GTF2IRD1: variants seen among roughly 807,000 people sequenced by gnomAD.
GTF2IRD1 encodes the protein GTF2I repeat domain containing 1.
GTF2IRD1 carries 26 observed loss-of-function variants against 113.2 expected under a neutral mutation model. The observed-to-expected ratio is 0.23, with a 90% CI of 0.17 to 0.32. The LOEUF is 0.32. GTF2IRD1 is among the 10% of genes least tolerant of loss of function. The probability of loss-of-function intolerance (pLI) is 1.00; values close to 1 mark genes in which losing one functional copy is unlikely to be tolerated. For synonymous variants in GTF2IRD1, 484 were observed against 529.1 expected (o/e 0.91, Z 1.17); for missense variants, 864 against 1,280.8 (o/e 0.67, Z 4.97).
chr7:74,549,576 A>G (rs1554354329), intron 17 of GTF2IRD1, among the ~76,000 whole-genome samples: 1 of 152,196 alleles, frequency 6.6e-6, no homozygotes, highest in East Asian at 1.9e-4. Flanking sequence ...TGATTCGTGC[A>G]GTAGAAGCAA....
At chr7:74,562,341 A>G (rs1164023547) in intron 22 of GTF2IRD1, among the ~76,000 whole-genome samples, 3 of 151,992 alleles carry the variant, frequency 2.0e-5, no homozygotes, top group African/African-American at 7.2e-5. Context: ...AGTGCCCAGG[A>G]GTCAGCCTTC....
chr7:74,568,191 A>G (rs1235921639), intron 22 of GTF2IRD1, among the ~76,000 whole-genome samples: 1 of 151,830 alleles, frequency 6.6e-6, no homozygotes, highest in Admixed American at 6.6e-5. Flanking sequence ...GGGAATGGCA[A>G]GAAAAGGAGC....
intron 1 of GTF2IRD1, among the ~76,000 whole-genome samples, chr7:74,479,780 C>CA (rs1343831379): frequency 1.1e-4 from 13 of 120,204 alleles, no homozygotes; most frequent in Admixed American, 2.1e-4. Context: ...TTTTTGGAGA[C>CA]AGAGTCCTGC....
At chr7:74,600,754 T>C (rs1298270940) in intron 25 of GTF2IRD1, among the ~76,000 whole-genome samples, 4 of 151,846 alleles carry the variant, frequency 2.6e-5, no homozygotes, top group Non-Finnish European at 1.5e-5. Context: ...AGGGGTGAGC[T>C]TGCTGGGGAG....
At chr7:74,594,006 T>G (rs1802243104) in intron 24 of GTF2IRD1, among the ~76,000 whole-genome samples, 1 of 151,902 alleles carries the variant, frequency 6.6e-6, no homozygotes, top group Non-Finnish European at 1.5e-5. Context: ...GAGACCAGCC[T>G]GGCCAACATA....
chr7:74,472,333 G>A (rs1016687981), intron 1 of GTF2IRD1, among the ~76,000 whole-genome samples: 9 of 152,214 alleles, frequency 5.9e-5, no homozygotes, highest in African/African-American at 2.2e-4. Context: ...GCCATAGAAT[G>A]TTAGAACTGG....
At position 74,508,173 on chromosome 7, in the gene GTF2IRD1, C is replaced by T; in HGVS notation, c.93C>T (p.Ile31=). Residue 31 remains isoleucine (I), a synonymous_variant, in exon 2 of 27, where the codon ATC becomes ATT. Coordinates refer to ENST00000424337, the MANE Select transcript of GTF2IRD1 (RefSeq NM_005685.4). The stretch of plus-strand genomic sequence containing the variant: ...CGTTCACCCGCAAAGACGAGATCAT[C>T]ACCAGCCTCGTGTCTGCCTTAGACT... ...NSAFTRKDEI[I]TSLVSALDSM... 3.7e-6 allele frequency: 6 copies of T among 1,613,066 alleles called. No homozygotes were observed. The highest frequency in any genetic ancestry group is 5.1e-6 in the Non-Finnish European group (6 of 1,179,998).
At position 74,555,455 on chromosome 7, in the gene GTF2IRD1, C is replaced by T; in HGVS notation, c.1984C>T (p.Pro662Ser). 2 of 1,613,510 alleles carry T rather than the reference C, an allele frequency of 1.2e-6. No individual in the cohort carries two copies. Among genetic ancestry groups the T allele is most frequent in the Non-Finnish European group, 8.5e-7 (1 of 1,179,456 alleles). ...GCCCCCAGAGAGGGATTCCGGGGACCCTCTGGTGGACGAGAGCCTGAAGAG... is the reference window on the plus strand; with the variant it reads ...GCCCCCAGAGAGGGATTCCGGGGACTCTCTGGTGGACGAGAGCCTGAAGAG... Reference protein sequence around the residue: ...MDSQERDSGDPLVDESLKRQG... With the variant: ...MDSQERDSGDSLVDESLKRQG... The change falls in exon 19 of 27, where the codon CCT becomes TCT. Residue 662 changes from proline to serine, a missense_variant. Transcript: ENST00000424337. The surrounding 1 kb of genome is among the most constrained non-coding windows in gnomAD (Gnocchi z 5.3).
chr7:74,504,292 C>A (rs1339012608), intron 1 of GTF2IRD1, among the ~76,000 whole-genome samples: 1 of 152,214 alleles, frequency 6.6e-6, no homozygotes, highest in Non-Finnish European at 1.5e-5. Flanking sequence ...ATTTCTCTTC[C>A]TTGCGAGTGT....
chr7:74,572,913 G>A (rs1308735801), intron 22 of GTF2IRD1, among the ~76,000 whole-genome samples: 1 of 152,122 alleles, frequency 6.6e-6, no homozygotes, highest in African/African-American at 2.4e-5. Context: ...CAGACGAGAC[G>A]CCCTACTGCC....
intron 5 of GTF2IRD1, 50 bp downstream of exon 5, chr7:74,518,372 G>T (rs1430443324): frequency 2.8e-6 from 4 of 1,451,892 alleles, no homozygotes; most frequent in Non-Finnish European, 3.7e-6. Context: ...GCCAGGGCCG[G>T]GTCAGGGCCG....
In GTF2IRD1 at chr7:74,590,449, C is replaced by T. The variant is rs587687031; in HGVS notation, c.2399-376C>T. On this transcript the variant is annotated intron_variant, in intron 23 of 26. Coordinates refer to ENST00000424337, the MANE Select transcript of GTF2IRD1 (RefSeq NM_005685.4). ...TGTCGCCCAGGCTGGAGTGCAGTGG[C>T]GGGATCTCCACTCACTGCAAGCTCC... Among the ~76,000 whole-genome samples, 172 of 147,434 alleles carry T rather than the reference C, an allele frequency of 1.2e-3. 2 individuals are homozygous for T. Among genetic ancestry groups the T allele is most frequent in the Admixed American group, 0.012 (169 of 14,618 alleles).
intron 25 of GTF2IRD1, among the ~76,000 whole-genome samples, chr7:74,598,959 T>C (rs1312189142): frequency 1.3e-5 from 2 of 152,124 alleles, no homozygotes; most frequent in Non-Finnish European, 2.9e-5. Context: ...GAAGAGACAT[T>C]TGCCCCATGG....
chr7:74,519,595 C>A lies in GTF2IRD1; in HGVS notation c.792C>A (p.Asn264Lys), dbSNP rs1255008739. 1 of 1,612,728 alleles carries A rather than the reference C, an allele frequency of 6.2e-7. No individual in the cohort carries two copies. The highest frequency in any genetic ancestry group is 1.3e-5 in the African/African-American group (1 of 74,940). ...ASFLYSTALP[N>K]HAIRELKQEA... ...TCCTGTACAGCACGGCGCTCCCCAA[C>A]CACGCCATCCGAGAGCTCAAGCAGG... The change falls in exon 6 of 27, where the codon AAC becomes AAA. Residue 264 changes from asparagine to lysine, a missense_variant. Coordinates refer to ENST00000424337, the MANE Select transcript of GTF2IRD1 (RefSeq NM_005685.4).
intron 22 of GTF2IRD1, among the ~76,000 whole-genome samples, chr7:74,582,194 C>T (rs1215423932): frequency 3.9e-5 from 6 of 152,192 alleles, no homozygotes; most frequent in Admixed American, 2.0e-4. Flanking sequence ...AATATCTGTT[C>T]AGATCGAGAC....
At chr7:74,535,639 G>A (rs587680116) in intron 10 of GTF2IRD1, among the ~76,000 whole-genome samples, 2 of 152,308 alleles carry the variant, frequency 1.3e-5, no homozygotes, top group African/African-American at 4.8e-5. Context: ...TCTTCCCGGG[G>A]TAGCAAAAGC....
intron 1 of GTF2IRD1, among the ~76,000 whole-genome samples, chr7:74,454,816 T>G (rs1474253576): frequency 6.6e-6 from 1 of 151,958 alleles, no homozygotes; most frequent in Non-Finnish European, 1.5e-5. Flanking sequence ...GAGGAGTAAG[T>G]TGGGGATACT....
At chr7:74,478,927 AT>A (rs1794579415) in intron 1 of GTF2IRD1, among the ~76,000 whole-genome samples, 1 of 150,282 alleles carries the variant, frequency 6.7e-6, no homozygotes, top group African/African-American at 2.5e-5. Context: ...AAAAAAAAAA[AT>A]TATAGAGATG....
At position 74,532,620 on chromosome 7, in the gene GTF2IRD1, C is replaced by T. The variant is rs150756714; in HGVS notation, c.1275-2493C>T. Among the ~76,000 whole-genome samples, 1,403 of 152,032 alleles carry T rather than the reference C, an allele frequency of 9.2e-3. 17 individuals are homozygous for T. The highest frequency in any genetic ancestry group is 0.032 in the African/African-American group (1,341 of 41,462). On this transcript the variant is annotated intron_variant, in intron 9 of 26. Transcript: ENST00000424337. The stretch of plus-strand genomic sequence containing the variant: ...CCATCACTGGGTGGGGCTGAGGAAG[C>T]AGGCCTCAGAAAGGAAGCCAGTTTT...
Sources: gnomAD v4.1 joint callset for allele counts (sites outside exome capture counted in the v4.1 genomes callset) on GRCh38, gnomAD v4.1.1 for gene constraint, Gnocchi (gnomAD v3.1) non-coding constraint, MANE v1.5 for transcripts, NCBI Gene and HGNC (gene_info 2026-07-23, HGNC 2026-07-21) for gene names.